FOCAD: variants seen among roughly 807,000 people sequenced by gnomAD.
FOCAD encodes KIAA1797.
FOCAD carries 198 observed loss-of-function variants against 225.6 expected under a neutral mutation model. The observed-to-expected ratio is 0.88, with a 90% CI of 0.78 to 0.99. The LOEUF (loss-of-function observed/expected upper bound fraction) is 0.99. Among genes scored for constraint, FOCAD ranks in the 50% least tolerant of loss-of-function variants. The pLI, the probability that FOCAD is intolerant of heterozygous loss-of-function variation, is 0.00. For synonymous variants in FOCAD, 897 were observed against 755.0 expected (o/e 1.19, Z -3.08); for missense variants, 2,713 against 2,123.6 (o/e 1.28, Z -5.46).
At chr9:20,874,417 C>T (rs1830054814) in intron 18 of FOCAD, 1 of 281,970 alleles carries the variant, frequency 3.5e-6, no homozygotes. Context: ...ATTGCTTATA[C>T]TGGCTTACAG....
chr9:20,839,753 T>A (rs1014735364), intron 15 of FOCAD, among the ~76,000 whole-genome samples: 1 of 152,130 alleles, frequency 6.6e-6, no homozygotes, highest in African/African-American at 2.4e-5. Flanking sequence ...ACATCAAGGT[T>A]AATGGAGGTA....
At chr9:20,721,116 A>T (rs1308016185) in intron 4 of FOCAD, among the ~76,000 whole-genome samples, 1 of 152,220 alleles carries the variant, frequency 6.6e-6, no homozygotes, top group African/African-American at 2.4e-5. Context: ...GAAATGGTCA[A>T]ACAGGACCAT....
At chr9:20,668,924 T>A (rs1821976540) in intron 2 of FOCAD, among the ~76,000 whole-genome samples, 1 of 152,190 alleles carries the variant, frequency 6.6e-6, no homozygotes, top group Admixed American at 6.5e-5. Flanking sequence ...CGTTTTCTCC[T>A]CTAGGTTCAC....
intron 15 of FOCAD, among the ~76,000 whole-genome samples, chr9:20,839,766 C>T (rs1826335036): frequency 6.6e-6 from 1 of 151,932 alleles, no homozygotes. Flanking sequence ...TGGAGGTATC[C>T]ATCACTTCAA....
chr9:20,939,150 C>CAAAAAAAAAAAAAAAAAAAAAAAAA (rs565280892), intron 28 of FOCAD, among the ~76,000 whole-genome samples: 1 of 72,498 alleles, frequency 1.4e-5, no homozygotes, highest in Non-Finnish European at 2.7e-5. Context: ...ACTCTCTTCT[C>CAAAAAAAAAAAAAAAAAAAAAAAAA]AAAAAAAAAA....
chr9:20,689,351 G>C (rs1822844279), intron 1 of FOCAD, among the ~76,000 whole-genome samples: 1 of 149,820 alleles, frequency 6.7e-6, no homozygotes, highest in Non-Finnish European at 1.5e-5. Context: ...AGGAAGGGTA[G>C]AATGTGATCC....
At chr9:20,705,940 T>G (rs1478759871) in intron 1 of FOCAD, among the ~76,000 whole-genome samples, 10 of 144,886 alleles carry the variant, frequency 6.9e-5, no homozygotes, top group Non-Finnish European at 1.4e-4. Context: ...TTTTTTTTTT[T>G]TTTTTTTTTT....
intron 11 of FOCAD, among the ~76,000 whole-genome samples, chr9:20,791,149 T>C (rs967951704): frequency 2.0e-5 from 3 of 152,038 alleles, no homozygotes; most frequent in African/African-American, 7.2e-5. Context: ...CTTGAAGTTA[T>C]ACAGTGGGTT....
upstream of FOCAD, among the ~76,000 whole-genome samples, chr9:20,683,704 C>G (rs562111950): frequency 1.3e-5 from 2 of 152,190 alleles, no homozygotes; most frequent in African/African-American, 4.8e-5. Flanking sequence ...ACCACAGTGG[C>G]GTGGAGAGCT....
intron 9 of FOCAD, 66 bp downstream of exon 9, chr9:20,778,834 G>T: frequency 3.4e-6 from 3 of 870,098 alleles, no homozygotes; most frequent in South Asian, 1.5e-5. Context: ...GGATTCACTT[G>T]AACTATGTAT....
intron 40 of FOCAD, 74 bp downstream of exon 40, chr9:20,986,539 T>C: frequency 3.0e-6 from 4 of 1,348,614 alleles, no homozygotes; most frequent in Middle Eastern, 2.5e-4. Flanking sequence ...TGCACTTGAG[T>C]TCTCAACTTA....
intron 28 of FOCAD, among the ~76,000 whole-genome samples, chr9:20,943,318 T>C (rs977908821): frequency 6.6e-6 from 1 of 152,224 alleles, no homozygotes; most frequent in Non-Finnish European, 1.5e-5. Flanking sequence ...GATTTTTGAA[T>C]GGCTGATCGT....
rs1210134402 is a variant in FOCAD at position 20,765,062 on chromosome 9, C to G, written c.688C>G (p.Pro230Ala). 1 of 1,612,708 alleles carries G rather than the reference C, an allele frequency of 6.2e-7. No homozygotes were observed. Among genetic ancestry groups the G allele is most frequent in the Non-Finnish European group, 8.5e-7 (1 of 1,179,254 alleles). Reference sequence around the variant, plus strand: ...ACTTCAACTGTGTTGTGACATAGTTCCATGTTTGCAGGTAAGGTCTTTGTC... The same window carrying G: ...ACTTCAACTGTGTTGTGACATAGTTGCATGTTTGCAGGTAAGGTCTTTGTC... ...QILQLCCDIV[P>A]CLQVKDLIQT... is the part of the protein sequence containing the mutation. Residue 230 changes from proline to alanine, a missense_variant, in exon 7 of 44, where the codon CCA (proline) becomes GCA (alanine). Transcript: ENST00000338382.
Position 20,953,076 on chromosome 9 carries a change from A to G in FOCAD, c.4132+11A>G. 1.2e-6 allele frequency: 2 copies of G among 1,603,684 alleles called. No homozygotes were observed. Among genetic ancestry groups the G allele is most frequent in the Non-Finnish European group, 1.7e-6 (2 of 1,172,024 alleles). On this transcript the variant is annotated intron_variant, in intron 35 of 43. Coordinates refer to ENST00000338382, the MANE Select transcript of FOCAD (RefSeq NM_001375567.1). The stretch of plus-strand genomic sequence containing the variant: ...CAGGAGGAAAAAAAGGCAAGTGAGC[A>G]CATTTCTTGAATTTTATCATTCTAT...
chr9:20,718,332 T>C (rs1265614058), intron 3 of FOCAD, among the ~76,000 whole-genome samples: 1 of 152,186 alleles, frequency 6.6e-6, no homozygotes, highest in Non-Finnish European at 1.5e-5. Context: ...AATTCCATCT[T>C]ACACAAATAG....
intron 35 of FOCAD, among the ~76,000 whole-genome samples, chr9:20,957,798 A>G (rs572273896): frequency 2.1e-5 from 3 of 144,430 alleles, no homozygotes; most frequent in African/African-American, 5.2e-5. Flanking sequence ...ACAGGTATGC[A>G]CCACCATACC....
intron 15 of FOCAD, among the ~76,000 whole-genome samples, chr9:20,844,407 C>A (rs1826872416): frequency 8.5e-6 from 1 of 117,516 alleles, no homozygotes; most frequent in Non-Finnish European, 1.6e-5. Context: ...GTCACTCAGG[C>A]TGGAATGCAG....
At chr9:20,722,100 G>A (rs1033704780) in intron 4 of FOCAD, among the ~76,000 whole-genome samples, 1 of 146,542 alleles carries the variant, frequency 6.8e-6, no homozygotes, top group Non-Finnish European at 1.5e-5. Flanking sequence ...TATGCTGCCT[G>A]GGCATTATTG....
chr9:20,703,887 G>A lies in FOCAD; in HGVS notation c.-32-11435G>A, dbSNP rs146764074. On this transcript the variant is annotated intron_variant, in intron 1 of 43. Coordinates refer to ENST00000338382, the MANE Select transcript of FOCAD (RefSeq NM_001375567.1). ...GAGGAAACAGGTTCCAAGATGGTAA[G>A]TGATTTGCCTAGTGCTGGAATCAGG... Among the ~76,000 whole-genome samples, 95 of 152,332 alleles carry A rather than the reference G, an allele frequency of 6.2e-4. No individual in the cohort carries two copies. The East Asian group carries it at 9.8e-3, about 16-fold the overall frequency.
Sources: allele counts gnomAD v4.1 joint callset (sites outside exome capture counted in the v4.1 genomes callset), GRCh38; gene constraint gnomAD v4.1.1; transcripts MANE v1.5; gene names NCBI Gene and HGNC (gene_info 2026-07-23, HGNC 2026-07-21).